PAPPA2: variants seen among roughly 807,000 people sequenced by gnomAD.
PAPPA2 encodes the protein pappalysin-2.
A neutral mutation model predicts 176.4 loss-of-function variants in PAPPA2; 86 were observed. The observed-to-expected ratio is 0.49, with a 90% confidence interval of 0.41 to 0.58. PAPPA2 has a LOEUF of 0.58. Among genes scored for constraint, PAPPA2 ranks in the 20% least tolerant of loss-of-function variants. The pLI is 0.00. For synonymous variants in PAPPA2, 809 were observed against 852.2 expected, an observed-to-expected ratio of 0.95 and a Z score of 0.88; for missense variants, 2,073 against 2,256.9, an observed-to-expected ratio of 0.92 and a Z score of 1.65.
At chr1:176,716,765 C>T in intron 12 of PAPPA2, among the ~76,000 whole-genome samples, 1 of 151,566 alleles carries the variant, frequency 6.6e-6, no homozygotes, top group Non-Finnish European at 1.5e-5. Flanking sequence ...GCACCCGCCA[C>T]CATGCCCGGC....
intron 2 of PAPPA2, among the ~76,000 whole-genome samples, chr1:176,577,685 T>A (rs1652731011): frequency 6.6e-6 from 1 of 152,034 alleles, no homozygotes; most frequent in Non-Finnish European, 1.5e-5. Context: ...CTCCTTGGTT[T>A]TTTTATTCCC....
chr1:176,769,141 A>T (rs969984889), intron 15 of PAPPA2, among the ~76,000 whole-genome samples: 13 of 152,210 alleles, frequency 8.5e-5, no homozygotes, highest in African/African-American at 3.1e-4. Flanking sequence ...CAGAAGATGC[A>T]GCCAATCTGC....
intron 1 of PAPPA2, among the ~76,000 whole-genome samples, chr1:176,503,113 C>T (rs1349274344): frequency 2.0e-5 from 3 of 152,112 alleles, no homozygotes; most frequent in Non-Finnish European, 4.4e-5. Flanking sequence ...GGGCTATGTT[C>T]CTTCTGGAGA....
chr1:176,766,639 T>C (rs1479024264), intron 15 of PAPPA2, among the ~76,000 whole-genome samples: 1 of 152,220 alleles, frequency 6.6e-6, no homozygotes, highest in African/African-American at 2.4e-5. Flanking sequence ...GCACTCTATT[T>C]GTTAAATTGT....
intron 21 of PAPPA2, among the ~76,000 whole-genome samples, chr1:176,833,341 G>A (rs116363534): frequency 0.014 from 2,063 of 152,298 alleles, 39 homozygotes; most frequent in African/African-American, 0.048. Flanking sequence ...GCATCATAAT[G>A]TGATTGTGTC....
intron 17 of PAPPA2, among the ~76,000 whole-genome samples, chr1:176,786,509 A>G (rs935495711): frequency 6.6e-6 from 1 of 152,120 alleles, no homozygotes; most frequent in Non-Finnish European, 1.5e-5. Context: ...AGATTTGCAT[A>G]TTTTTCTATA....
chr1:176,464,453 G>A (rs769211058), intron 1 of PAPPA2, among the ~76,000 whole-genome samples: 3 of 152,114 alleles, frequency 2.0e-5, no homozygotes, highest in Non-Finnish European at 4.4e-5. Context: ...CACTTAGGAG[G>A]GCCCTGTGCT....
chr1:176,745,400 G>T (rs973533193), intron 14 of PAPPA2, among the ~76,000 whole-genome samples: 3 of 152,148 alleles, frequency 2.0e-5, no homozygotes, highest in Admixed American at 2.0e-4. Context: ...GCTGCTGGAT[G>T]CCGTGGATTA....
At chr1:176,667,180 A>G (rs1372189444) in intron 3 of PAPPA2, among the ~76,000 whole-genome samples, 1 of 151,738 alleles carries the variant, frequency 6.6e-6, no homozygotes, top group Non-Finnish European at 1.5e-5. Flanking sequence ...AGGGAGGTGG[A>G]GGTTGTGTTG....
At chr1:176,551,057 A>G (rs1309533274) in intron 1 of PAPPA2, among the ~76,000 whole-genome samples, 4 of 152,094 alleles carry the variant, frequency 2.6e-5, no homozygotes, top group African/African-American at 9.7e-5. Context: ...CCCTGCGATT[A>G]ATTGTGTGAC....
chr1:176,764,746 G>A (rs1425660565), intron 14 of PAPPA2, among the ~76,000 whole-genome samples: 4 of 152,094 alleles, frequency 2.6e-5, no homozygotes, highest in African/African-American at 9.7e-5. Flanking sequence ...ACAGGTGCCT[G>A]CAACCACATC....
At chr1:176,664,393 T>C (rs1658514548) in intron 3 of PAPPA2, among the ~76,000 whole-genome samples, 1 of 152,186 alleles carries the variant, frequency 6.6e-6, no homozygotes, top group African/African-American at 2.4e-5. Context: ...AAAGCCTGCA[T>C]TGTAGCTGTC....
chr1:176,507,830 G>T (rs887281284), intron 1 of PAPPA2, among the ~76,000 whole-genome samples: 1 of 151,714 alleles, frequency 6.6e-6, no homozygotes, highest in African/African-American at 2.4e-5. Flanking sequence ...GTACCTGTTG[G>T]GTACTATGCT....
At chr1:176,587,911 A>G (rs1021994000) in intron 2 of PAPPA2, among the ~76,000 whole-genome samples, 2 of 152,248 alleles carry the variant, frequency 1.3e-5, no homozygotes, top group Non-Finnish European at 2.9e-5. Context: ...CTTTAAAAAA[A>G]GAAATTTAAA....
chr1:176,469,592 G>A (rs1651783194), intron 1 of PAPPA2, among the ~76,000 whole-genome samples: 1 of 152,182 alleles, frequency 6.6e-6, no homozygotes, highest in Non-Finnish European at 1.5e-5. Context: ...GGGGAGAACA[G>A]CTCCCACTAG....
intron 11 of PAPPA2, 146 bp downstream of exon 11, chr1:176,710,322 C>T: frequency 2.8e-6 from 2 of 714,360 alleles, no homozygotes; most frequent in Non-Finnish European, 4.5e-6. Context: ...GATCTGCCAG[C>T]ATTGCTATTA....
At chr1:176,733,145 T>C (rs1662240240) in intron 12 of PAPPA2, among the ~76,000 whole-genome samples, 2 of 152,212 alleles carry the variant, frequency 1.3e-5, no homozygotes, top group South Asian at 4.1e-4. Flanking sequence ...GGAAATACTG[T>C]CTTCCATAAA....
intron 12 of PAPPA2, among the ~76,000 whole-genome samples, chr1:176,732,620 G>A (rs1411038241): frequency 6.6e-6 from 1 of 152,168 alleles, no homozygotes; most frequent in East Asian, 1.9e-4. Flanking sequence ...TGGTTGGCAT[G>A]CAGAAACATT....
chr1:176,770,297 A>T (rs1664165102), intron 16 of PAPPA2, among the ~76,000 whole-genome samples: 1 of 152,090 alleles, frequency 6.6e-6, no homozygotes. Flanking sequence ...TCTCCAAGAG[A>T]TTCTTGCTTA....
Sources: gnomAD v4.1 joint callset for allele counts (sites outside exome capture counted in the v4.1 genomes callset) on GRCh38, gnomAD v4.1.1 for gene constraint, MANE v1.5 for transcripts, NCBI Gene and HGNC (gene_info 2026-07-23, HGNC 2026-07-21) for gene names.